The following DAAM1 variants were observed in gnomAD, a reference collection of about 807,000 sequenced individuals.
DAAM1 encodes the protein dishevelled associated activator of morphogenesis 1.
Under a neutral mutation model 130.0 loss-of-function variants are expected in DAAM1, and 52 were observed. That is an observed-to-expected ratio of 0.40 (90% CI 0.32 to 0.50). The LOEUF is 0.50. Among genes scored for constraint, DAAM1 ranks in the 20% least tolerant of loss-of-function variants. The pLI, the probability that DAAM1 is intolerant of heterozygous loss-of-function variation, is 0.61. For synonymous variants in DAAM1, 452 were observed against 444.5 expected (o/e 1.02, Z -0.21); for missense variants, 1,134 against 1,303.8 (o/e 0.87, Z 2.01).
intron 3 of DAAM1, 63 bp downstream of exon 3, chr14:59,291,369 A>G: frequency 1.5e-6 from 2 of 1,305,080 alleles, no homozygotes; most frequent in Non-Finnish European, 1.1e-6. Context: ...TTGCTCTTCC[A>G]TTTCACCACT....
chr14:59,312,006 A>C (rs1203201308), intron 3 of DAAM1, among the ~76,000 whole-genome samples: 1 of 152,148 alleles, frequency 6.6e-6, no homozygotes, highest in Non-Finnish European at 1.5e-5. Flanking sequence ...GCCCCTCTCT[A>C]TATATTTATT....
chr14:59,213,777 A>C, intron 1 of DAAM1, among the ~76,000 whole-genome samples: 1 of 152,228 alleles, frequency 6.6e-6, no homozygotes, highest in East Asian at 1.9e-4. Flanking sequence ...TTTAAAACAC[A>C]GAAGAGCTGA....
At chr14:59,353,823 G>A in intron 18 of DAAM1, 53 bp from the exon 19 acceptor site, 1 of 1,560,206 alleles carries the variant, frequency 6.4e-7, no homozygotes, top group Non-Finnish European at 8.8e-7. Flanking sequence ...CTGTTATTAA[G>A]TGAACCTAGA....
chr14:59,217,702 G>A (rs972662665), intron 1 of DAAM1, among the ~76,000 whole-genome samples: 3 of 152,120 alleles, frequency 2.0e-5, no homozygotes, highest in Non-Finnish European at 4.4e-5. Flanking sequence ...GCCAGGCACA[G>A]TGGCTCATGC....
chr14:59,338,267 A>G (rs1440778122), intron 15 of DAAM1: 3 of 1,020,364 alleles, frequency 2.9e-6, no homozygotes, highest in Non-Finnish European at 4.5e-6. Context: ...GGCATAAATC[A>G]TCTCTTACCC....
Position 59,242,345 on chromosome 14 carries a change from G to C in DAAM1, c.-37-21096G>C, listed in dbSNP as rs1020154054. 3.9e-5 allele frequency among the ~76,000 whole-genome samples: 6 copies of C among 152,020 alleles called. No homozygotes were observed. The South Asian group carries it at 1.0e-3, about 26-fold the overall frequency. ...GTAGCAGTGTTAGAAGCAGCAGCAG[G>C]GGTAGAATAATAATAATAGTAACAA... On this transcript the variant is annotated intron_variant, in intron 1 of 24. Coordinates refer to ENST00000360909, the MANE Select transcript of DAAM1 (RefSeq NM_001270520.2).
chr14:59,260,258 T>C (rs1882108261), intron 1 of DAAM1, among the ~76,000 whole-genome samples: 1 of 152,218 alleles, frequency 6.6e-6, no homozygotes, highest in South Asian at 2.1e-4. Context: ...CAGATAATCA[T>C]ATCAATGGGT....
At chr14:59,349,005 G>T (rs1886187356) in intron 17 of DAAM1, among the ~76,000 whole-genome samples, 1 of 152,172 alleles carries the variant, frequency 6.6e-6, no homozygotes. Context: ...TGTATGAACG[G>T]TTTAAAAGTA....
intron 1 of DAAM1, among the ~76,000 whole-genome samples, chr14:59,226,947 G>T (rs757811541): frequency 6.6e-6 from 1 of 152,144 alleles, no homozygotes; most frequent in Non-Finnish European, 1.5e-5. Flanking sequence ...TAGTGCCTCT[G>T]GAGTTGTACA....
At chr14:59,210,444 A>G (rs1594758754) in intron 1 of DAAM1, among the ~76,000 whole-genome samples, 2 of 152,318 alleles carry the variant, frequency 1.3e-5, no homozygotes, top group East Asian at 3.9e-4. Context: ...ATGACCAGAA[A>G]TGGGAGTAAT....
In DAAM1 at chr14:59,353,974, A is replaced by G; in HGVS notation, c.2356+10A>G. The G allele has an allele frequency of 3.7e-6, 6 of 1,612,618 alleles. No individual in the cohort carries two copies. Among genetic ancestry groups the G allele is most frequent in the Non-Finnish European group, 5.1e-6 (6 of 1,178,958 alleles). ...AAACCTAAAGTGGAAGGTAAAGTCA[A>G]GCTGTCTAGATTGGAAATGATGTTC... On this transcript the variant is annotated intron_variant, in intron 19 of 24. Transcript: ENST00000360909.
intron 3 of DAAM1, among the ~76,000 whole-genome samples, chr14:59,311,426 C>A (rs1884586373): frequency 1.3e-5 from 2 of 152,016 alleles, no homozygotes; most frequent in South Asian, 4.2e-4. Context: ...TTCCATGTCA[C>A]CCCAAACGTC....
At chr14:59,214,493 TGTA>T (rs1376007482) in intron 1 of DAAM1, among the ~76,000 whole-genome samples, 1 of 152,252 alleles carries the variant, frequency 6.6e-6, no homozygotes, top group Non-Finnish European at 1.5e-5. Flanking sequence ...TTTCTTCCCA[TGTA>T]GTTTGACAGA....
intron 1 of DAAM1, among the ~76,000 whole-genome samples, chr14:59,192,168 GT>G (rs1887752862): frequency 6.6e-6 from 1 of 150,706 alleles, no homozygotes; most frequent in Non-Finnish European, 1.5e-5. Context: ...GTGTGTGTGT[GT>G]GTGTGTGTGT....
chr14:59,223,148 A>G (rs1426369452), intron 1 of DAAM1, among the ~76,000 whole-genome samples: 4 of 152,250 alleles, frequency 2.6e-5, no homozygotes, highest in African/African-American at 9.6e-5. Context: ...ACAGTGTAGC[A>G]GGAGTGGGGA....
intron 1 of DAAM1, among the ~76,000 whole-genome samples, chr14:59,204,934 G>A (rs1360629335): frequency 6.6e-6 from 1 of 152,184 alleles, no homozygotes; most frequent in Non-Finnish European, 1.5e-5. Context: ...TATGCTTCAC[G>A]ACTTCCTCTG....
intron 2 of DAAM1, among the ~76,000 whole-genome samples, chr14:59,290,875 TC>T (rs1883711944): frequency 6.6e-6 from 1 of 152,106 alleles, no homozygotes. Context: ...ATTTCTAAAC[TC>T]CTGAAGTTTG....
At chr14:59,259,894 A>G (rs1046703661) in intron 1 of DAAM1, among the ~76,000 whole-genome samples, 2 of 152,134 alleles carry the variant, frequency 1.3e-5, no homozygotes, top group African/African-American at 4.8e-5. Flanking sequence ...AATACAAAAA[A>G]TTAGCTGGAT....
At chr14:59,240,671 T>C (rs1002413189) in intron 1 of DAAM1, among the ~76,000 whole-genome samples, 1 of 151,996 alleles carries the variant, frequency 6.6e-6, no homozygotes, top group African/African-American at 2.4e-5. Context: ...TCTGGTATTA[T>C]ATGGTGCTTA....
Sources: gnomAD v4.1 joint callset for allele counts (sites outside exome capture counted in the v4.1 genomes callset) on GRCh38, gnomAD v4.1.1 for gene constraint, MANE v1.5 for transcripts, NCBI Gene and HGNC (gene_info 2026-07-23, HGNC 2026-07-21) for gene names.